GRIN2B: variants seen among roughly 807,000 people sequenced by gnomAD.
The protein encoded by GRIN2B is glutamate receptor ionotropic, NMDA 2B.
In GRIN2B, 5 loss-of-function variants were observed where a neutral mutation model predicts 114.5. That is an observed-to-expected ratio of 0.04 (90% CI 0.02 to 0.09). The LOEUF (loss-of-function observed/expected upper bound fraction) is 0.09, where lower values mean the gene tolerates loss of function less well. Ranked by LOEUF, GRIN2B falls within the 10% of genes least tolerant of loss-of-function variation. The pLI is 1.00. For missense variants in GRIN2B, 1,108 were observed against 1,943.5 expected (o/e 0.57, Z 8.08); for synonymous variants, 787 against 745.1 (o/e 1.06, Z -0.92).
At chr12:13,668,630 T>A (rs755746538) in intron 5 of GRIN2B, among the ~76,000 whole-genome samples, 9 of 152,076 alleles carry the variant, frequency 5.9e-5, no homozygotes, top group Admixed American at 1.3e-4. Flanking sequence ...ACAAAATATG[T>A]AATCCAGTGG....
At chr12:13,801,112 T>C (rs1407554306) in intron 3 of GRIN2B, among the ~76,000 whole-genome samples, 1 of 152,162 alleles carries the variant, frequency 6.6e-6, no homozygotes. Flanking sequence ...ACGTACAATT[T>C]GTAATAAACC....
chr12:13,910,047 A>G (rs1162762409), intron 2 of GRIN2B, among the ~76,000 whole-genome samples: 1 of 152,232 alleles, frequency 6.6e-6, no homozygotes, highest in African/African-American at 2.4e-5. Context: ...ACTATGTTCA[A>G]AAGTTCAAAT....
intron 2 of GRIN2B, among the ~76,000 whole-genome samples, chr12:13,942,801 T>C (rs561271746): frequency 1.5e-4 from 23 of 152,276 alleles, no homozygotes; most frequent in Admixed American, 6.5e-4. Flanking sequence ...CCTCAACAAA[T>C]ATTTATCCAG....
At chr12:13,576,706 C>A (rs866855575) in intron 10 of GRIN2B, among the ~76,000 whole-genome samples, 2 of 152,094 alleles carry the variant, frequency 1.3e-5, no homozygotes, top group Admixed American at 1.3e-4. Context: ...ATGTGAGCAA[C>A]CACACCTGGC....
At chr12:13,580,463 A>G (rs1188091898) in intron 10 of GRIN2B, among the ~76,000 whole-genome samples, 1 of 152,192 alleles carries the variant, frequency 6.6e-6, no homozygotes, top group East Asian at 1.9e-4. Flanking sequence ...ACACATAAAT[A>G]TTCATTCCAT....
rs3026166 is a variant in GRIN2B, at chr12:13,572,793, C to T, written c.2011-829G>A. Reference sequence around the variant, plus strand: ...TGCCAACTCATCTGTCTCTCTAGGCCAATTTATATCCGTTTCAAAATAAAA... The same window carrying T: ...TGCCAACTCATCTGTCTCTCTAGGCTAATTTATATCCGTTTCAAAATAAAA... On this transcript the variant is annotated intron_variant, in intron 10 of 13. Transcript: ENST00000609686. Among the ~76,000 whole-genome samples, 344 of 152,318 alleles carry T rather than the reference C, an allele frequency of 2.3e-3. 1 individual carries two copies. The highest frequency in any genetic ancestry group is 3.6e-3 in the Non-Finnish European group (246 of 68,026).
chr12:13,604,640 A>G (rs570737197), intron 10 of GRIN2B, among the ~76,000 whole-genome samples: 38 of 152,174 alleles, frequency 2.5e-4, no homozygotes, highest in Non-Finnish European at 4.3e-4. Context: ...GAATGTCTTT[A>G]TTCTTTTTCT....
At chr12:13,584,184 TA>T (rs779495415) in intron 10 of GRIN2B, among the ~76,000 whole-genome samples, 3 of 152,172 alleles carry the variant, frequency 2.0e-5, no homozygotes, top group Non-Finnish European at 2.9e-5. Context: ...TCGCAGTTTC[TA>T]AAACTCACCA....
At chr12:13,951,420 C>G (rs548472220) in intron 2 of GRIN2B, among the ~76,000 whole-genome samples, 21 of 152,120 alleles carry the variant, frequency 1.4e-4, no homozygotes, top group Admixed American at 7.2e-4. Flanking sequence ...GAAAATCCAA[C>G]GTAAAAACCA....
chr12:13,871,310 AT>A (rs1369572760), intron 2 of GRIN2B, among the ~76,000 whole-genome samples: 3 of 151,686 alleles, frequency 2.0e-5, no homozygotes, highest in Non-Finnish European at 1.5e-5. Flanking sequence ...ATCAATTGTC[AT>A]TTTTCTATAA....
At position 13,564,325 on chromosome 12, in the gene GRIN2B, C is replaced by T. The variant is rs200696950; in HGVS notation, c.2913G>A (p.Gly971=). 32 of 1,614,096 alleles carry T rather than the reference C, an allele frequency of 2.0e-5. No homozygotes were observed. The highest frequency in any genetic ancestry group is 2.5e-5 in the Non-Finnish European group (30 of 1,180,046). ...CGTTGCTGTCCTTCAGCTGCAGGTT[C>T]CCGAACGTTCTCTCTACCTCACTGA... The part of the protein sequence containing the change: ...DYISEVERTF[G]NLQLKDSNVY... Residue 971 remains glycine (G), a synonymous_variant, in exon 14 of 14, where the codon GGG becomes GGA. Coordinates refer to ENST00000609686, the MANE Select transcript of GRIN2B (RefSeq NM_000834.5). This position sits in a 1 kb window ranked among gnomAD's most constrained non-coding sequence, Gnocchi z 4.8.
At chr12:13,914,008 C>A (rs1866668454) in intron 2 of GRIN2B, among the ~76,000 whole-genome samples, 1 of 152,158 alleles carries the variant, frequency 6.6e-6, no homozygotes, top group Non-Finnish European at 1.5e-5. Flanking sequence ...ATATTTTCAT[C>A]TTTGATCTTA....
chr12:13,576,664 C>T (rs945087403), intron 10 of GRIN2B, among the ~76,000 whole-genome samples: 1 of 151,884 alleles, frequency 6.6e-6, no homozygotes, highest in Non-Finnish European at 1.5e-5. Flanking sequence ...GTGATCCTCC[C>T]ACTTCAGCCT....
chr12:13,684,561 A>G (rs1950160159), intron 4 of GRIN2B, among the ~76,000 whole-genome samples: 1 of 152,300 alleles, frequency 6.6e-6, no homozygotes, highest in South Asian at 2.1e-4. Context: ...GACTTATTAG[A>G]CAATGCTAGA....
chr12:13,771,209 G>T (rs1863902188), intron 3 of GRIN2B, among the ~76,000 whole-genome samples: 1 of 152,182 alleles, frequency 6.6e-6, no homozygotes, highest in African/African-American at 2.4e-5. Flanking sequence ...CTACTGCAAT[G>T]TAAGACATGC....
intron 4 of GRIN2B, among the ~76,000 whole-genome samples, chr12:13,681,280 A>G (rs552335559): frequency 7.8e-4 from 119 of 152,244 alleles, no homozygotes; most frequent in African/African-American, 2.8e-3. Context: ...TCATCTTCAG[A>G]TGAAACAGAC....
At chr12:13,624,218 T>C (rs1009580592) in intron 5 of GRIN2B, among the ~76,000 whole-genome samples, 2 of 152,246 alleles carry the variant, frequency 1.3e-5, no homozygotes, top group Admixed American at 1.3e-4. Flanking sequence ...GCAGGGACTA[T>C]ATTAGATTGC....
At chr12:13,673,339 T>A (rs1029637538) in intron 5 of GRIN2B, among the ~76,000 whole-genome samples, 2 of 151,852 alleles carry the variant, frequency 1.3e-5, no homozygotes, top group African/African-American at 4.8e-5. Context: ...AGACAGGAAA[T>A]CATGAGGAGG....
chr12:13,980,596 T>C (rs1254622786), intron 1 of GRIN2B, among the ~76,000 whole-genome samples: 1 of 149,286 alleles, frequency 6.7e-6, no homozygotes, highest in Non-Finnish European at 1.5e-5. Context: ...AAAGCCAACC[T>C]GAATGGAAGA....
Sources: allele counts gnomAD v4.1 joint callset (sites outside exome capture counted in the v4.1 genomes callset), GRCh38; gene constraint gnomAD v4.1.1; non-coding constraint Gnocchi (gnomAD v3.1); transcripts MANE v1.5; gene names NCBI Gene and HGNC (gene_info 2026-07-23, HGNC 2026-07-21).